UBE2E2: variants seen among roughly 807,000 people sequenced by gnomAD.
UBE2E2 encodes ubiquitin-conjugating enzyme E2 E2.
Under a neutral mutation model 24.7 loss-of-function variants are expected in UBE2E2, and 6 were observed. The observed-to-expected ratio is 0.24, with a 90% CI of 0.13 to 0.48. UBE2E2 has a LOEUF of 0.48. UBE2E2 is among the 20% of genes least tolerant of loss of function. UBE2E2 has a pLI of 0.99. For synonymous variants in UBE2E2, 104 were observed against 83.6 expected (o/e 1.24, Z -1.33); for missense variants, 169 against 245.0 (o/e 0.69, Z 2.07).
chr3:23,554,990 C>T (rs561418223), intron 5 of UBE2E2, among the ~76,000 whole-genome samples: 25 of 151,610 alleles, frequency 1.6e-4, no homozygotes, highest in Non-Finnish European at 3.4e-4. Flanking sequence ...GATCTCTGCT[C>T]ACTGCAGCCT....
intron 3 of UBE2E2, among the ~76,000 whole-genome samples, chr3:23,496,532 A>G (rs764539678): frequency 6.6e-6 from 1 of 152,170 alleles, no homozygotes; most frequent in African/African-American, 2.4e-5. Context: ...TTGTAGAAAT[A>G]GTATCCTACT....
chr3:23,574,080 C>T (rs893708941), intron 5 of UBE2E2, among the ~76,000 whole-genome samples: 2 of 152,076 alleles, frequency 1.3e-5, no homozygotes, highest in African/African-American at 2.4e-5. Flanking sequence ...ACAACATGGA[C>T]GGAGCTGGAG....
intron 4 of UBE2E2, among the ~76,000 whole-genome samples, chr3:23,503,724 C>G (rs1310155472): frequency 6.6e-6 from 1 of 151,814 alleles, no homozygotes; most frequent in African/African-American, 2.4e-5. Flanking sequence ...CATGGTGACT[C>G]ACACTTGTAA....
intron 3 of UBE2E2, among the ~76,000 whole-genome samples, chr3:23,426,356 C>A (rs1167003415): frequency 2.2e-5 from 3 of 133,796 alleles, no homozygotes; most frequent in Admixed American, 8.1e-5. Flanking sequence ...AATTTTCCTG[C>A]AAATTAATGT....
intron 4 of UBE2E2, among the ~76,000 whole-genome samples, chr3:23,521,993 G>A (rs1030301769): frequency 7.4e-5 from 11 of 149,548 alleles, no homozygotes; most frequent in East Asian, 2.0e-4. Context: ...TTTAAGTTTA[G>A]ATACCAGGTT....
At chr3:23,340,595 G>T (rs563700587) in intron 3 of UBE2E2, among the ~76,000 whole-genome samples, 1 of 152,032 alleles carries the variant, frequency 6.6e-6, no homozygotes, top group Non-Finnish European at 1.5e-5. Flanking sequence ...TTTTTTTAAA[G>T]AAAAAGATGC....
chr3:23,565,006 G>A (rs1248924409), intron 5 of UBE2E2, among the ~76,000 whole-genome samples: 1 of 152,128 alleles, frequency 6.6e-6, no homozygotes, highest in Non-Finnish European at 1.5e-5. Flanking sequence ...GTGGGAGAGT[G>A]GGTGGCGGCT....
At chr3:23,444,410 T>G (rs1297230011) in intron 3 of UBE2E2, among the ~76,000 whole-genome samples, 1 of 152,102 alleles carries the variant, frequency 6.6e-6, no homozygotes, top group Non-Finnish European at 1.5e-5. Context: ...GATCTTCAAG[T>G]TTATTGGAAC....
intron 5 of UBE2E2, among the ~76,000 whole-genome samples, chr3:23,536,457 G>C (rs896250689): frequency 6.6e-6 from 1 of 151,956 alleles, no homozygotes; most frequent in Non-Finnish European, 1.5e-5. Flanking sequence ...CTCTACTACT[G>C]TTACTCTCTA....
At chr3:23,506,959 G>C (rs1165901959) in intron 4 of UBE2E2, among the ~76,000 whole-genome samples, 2 of 152,164 alleles carry the variant, frequency 1.3e-5, no homozygotes, top group South Asian at 4.1e-4. Flanking sequence ...TAGTGTGTCA[G>C]ATTATGTAAA....
At chr3:23,207,161 T>G (rs1696171589) in intron 1 of UBE2E2, among the ~76,000 whole-genome samples, 1 of 152,156 alleles carries the variant, frequency 6.6e-6, no homozygotes, top group Admixed American at 6.5e-5. Context: ...AGTTCTGGAT[T>G]TGTCAGAACA....
At chr3:23,306,787 C>T (rs1417607569) in intron 3 of UBE2E2, among the ~76,000 whole-genome samples, 1 of 152,154 alleles carries the variant, frequency 6.6e-6, no homozygotes, top group Non-Finnish European at 1.5e-5. Flanking sequence ...ATTTTAGAAC[C>T]TTGCTCAACT....
chr3:23,287,602 G>A (rs1473984864), intron 3 of UBE2E2, among the ~76,000 whole-genome samples: 1 of 152,046 alleles, frequency 6.6e-6, no homozygotes, highest in Non-Finnish European at 1.5e-5. Context: ...GTCATTACTT[G>A]TTACTGGTCT....
At chr3:23,379,294 G>T (rs1297086143) in intron 3 of UBE2E2, among the ~76,000 whole-genome samples, 2 of 150,370 alleles carry the variant, frequency 1.3e-5, no homozygotes, top group Non-Finnish European at 3.0e-5. Flanking sequence ...TGCACATTGT[G>T]CAGGTTAGTT....
intron 3 of UBE2E2, among the ~76,000 whole-genome samples, chr3:23,388,683 A>T (rs181963240): frequency 0.015 from 2,225 of 149,422 alleles, 49 homozygotes; most frequent in African/African-American, 0.047. Flanking sequence ...AGTATTTTTT[A>T]AAAAAAATAT....
chr3:23,566,861 A>G (rs984072185), intron 5 of UBE2E2, among the ~76,000 whole-genome samples: 2 of 152,176 alleles, frequency 1.3e-5, no homozygotes, highest in Non-Finnish European at 2.9e-5. Context: ...TGGCCCAGTT[A>G]AGAGATGACA....
At chr3:23,536,425 TA>T (rs1192072665) in intron 5 of UBE2E2, among the ~76,000 whole-genome samples, 2 of 152,206 alleles carry the variant, frequency 1.3e-5, no homozygotes, top group Admixed American at 1.3e-4. Flanking sequence ...ATTATTTTAT[TA>T]ATCTCATTTC....
chr3:23,316,754 G>A (rs968514517), intron 3 of UBE2E2, among the ~76,000 whole-genome samples: 1 of 152,074 alleles, frequency 6.6e-6, no homozygotes, highest in Non-Finnish European at 1.5e-5. Flanking sequence ...AAGGCCCACG[G>A]CATGTACTAC....
chr3:23,549,981 C>T (rs193301255), intron 5 of UBE2E2, among the ~76,000 whole-genome samples: 86 of 149,564 alleles, frequency 5.8e-4, no homozygotes, highest in Non-Finnish European at 6.8e-4. Context: ...TGTAGTAAGA[C>T]GAGATCGCAC....
Sources: gnomAD v4.1 joint callset for allele counts (sites outside exome capture counted in the v4.1 genomes callset) on GRCh38, gnomAD v4.1.1 for gene constraint, MANE v1.5 for transcripts, NCBI Gene and HGNC (gene_info 2026-07-23, HGNC 2026-07-21) for gene names.